The following ITGA9 variants were observed in gnomAD, a reference collection of about 807,000 sequenced individuals.
ITGA9 encodes integrin subunit alpha 9.
ITGA9 carries 56 observed loss-of-function variants against 127.8 expected under a neutral mutation model. The ratio of observed to expected loss-of-function variants is 0.44; its 90% confidence interval spans 0.35 to 0.55. The LOEUF is 0.55. Ranked by LOEUF, ITGA9 falls within the 20% of genes least tolerant of loss-of-function variation. The pLI, the probability that ITGA9 is intolerant of heterozygous loss-of-function variation, is 0.00. For missense variants in ITGA9, 1,196 were observed against 1,347.1 expected (o/e 0.89, Z 1.76); for synonymous variants, 508 against 514.5 (o/e 0.99, Z 0.17).
At chr3:37,712,221 C>T (rs1014428982) in intron 18 of ITGA9, among the ~76,000 whole-genome samples, 1 of 152,238 alleles carries the variant, frequency 6.6e-6, no homozygotes, top group East Asian at 1.9e-4. Flanking sequence ...AGATGTGGGA[C>T]ACTCCTCAAG....
intron 16 of ITGA9, among the ~76,000 whole-genome samples, chr3:37,647,544 A>G (rs973529893): frequency 2.6e-5 from 4 of 151,262 alleles, no homozygotes; most frequent in Admixed American, 6.6e-5. Context: ...CATAGTCATC[A>G]CGCTATACAT....
At chr3:37,499,372 C>T (rs1047082975) in intron 5 of ITGA9, among the ~76,000 whole-genome samples, 17 of 152,212 alleles carry the variant, frequency 1.1e-4, no homozygotes, top group African/African-American at 2.4e-5. Flanking sequence ...TATGGCTTCT[C>T]CCAGGCCCAC....
chr3:37,669,080 C>A (rs1203625098), intron 17 of ITGA9, among the ~76,000 whole-genome samples: 1 of 152,194 alleles, frequency 6.6e-6, no homozygotes, highest in African/African-American at 2.4e-5. Flanking sequence ...GGTAGAGAAC[C>A]TCTAGATTTT....
chr3:37,603,213 A>G (rs1207518687), intron 15 of ITGA9, among the ~76,000 whole-genome samples: 1 of 151,982 alleles, frequency 6.6e-6, no homozygotes, highest in Non-Finnish European at 1.5e-5. Flanking sequence ...TTCAGCATTC[A>G]TGGATTTGAA....
intron 27 of ITGA9, chr3:37,808,832 C>T (rs1697331227): frequency 6.6e-6 from 1 of 152,202 alleles, no homozygotes; most frequent in Non-Finnish European, 1.5e-5. Context: ...AGGGCCTCTC[C>T]ATGTGGTTCT....
Position 37,777,394 on chromosome 3 carries a change from G to A in ITGA9, c.2544G>A (p.Val848=), listed in dbSNP as rs762265809. ...AEMFHVQEMV[V]GQEKGNCSFQ... Reference sequence around the variant, plus strand: ...GACAGGCCTCTTTTCATTTGCAGGTGGGCCAAGAGAAGGGAAACTGCTCTT... The same window carrying A: ...GACAGGCCTCTTTTCATTTGCAGGTAGGCCAAGAGAAGGGAAACTGCTCTT... The change falls in exon 24 of 28, where the codon GTG becomes GTA. Residue 848 remains valine (V), a splice_region_variant and synonymous_variant. Coordinates refer to ENST00000264741, the MANE Select transcript of ITGA9 (RefSeq NM_002207.3). 1.9e-6 allele frequency: 3 copies of A among 1,613,898 alleles called. No homozygotes were observed. The highest frequency in any genetic ancestry group is 1.1e-5 in the South Asian group (1 of 91,074).
chr3:37,793,421 C>T (rs1697136685), intron 26 of ITGA9, among the ~76,000 whole-genome samples: 2 of 151,554 alleles, frequency 1.3e-5, no homozygotes, highest in African/African-American at 4.8e-5. Flanking sequence ...CACACACACA[C>T]ACACACACAC....
At chr3:37,763,846 T>C (rs1696749093) in intron 23 of ITGA9, among the ~76,000 whole-genome samples, 2 of 152,028 alleles carry the variant, frequency 1.3e-5, no homozygotes, top group African/African-American at 4.8e-5. Context: ...TCACCCTCAA[T>C]TTTTTTTGTG....
At chr3:37,785,589 T>G (rs905153106) in intron 26 of ITGA9, among the ~76,000 whole-genome samples, 4 of 152,104 alleles carry the variant, frequency 2.6e-5, no homozygotes, top group Admixed American at 2.6e-4. Context: ...TCCTCTCACC[T>G]TAGCCTCCAG....
At chr3:37,592,976 A>C (rs531155052) in intron 15 of ITGA9, among the ~76,000 whole-genome samples, 1 of 152,310 alleles carries the variant, frequency 6.6e-6, no homozygotes, top group Admixed American at 6.5e-5. Context: ...GCACCTGATG[A>C]AATTGGACCA....
At chr3:37,764,397 T>G (rs1247859697) in intron 23 of ITGA9, among the ~76,000 whole-genome samples, 1 of 148,154 alleles carries the variant, frequency 6.7e-6, no homozygotes, top group African/African-American at 2.5e-5. Context: ...TCCTAATAAT[T>G]TCTCTACACC....
intron 15 of ITGA9, among the ~76,000 whole-genome samples, chr3:37,602,712 G>A (rs1365973367): frequency 6.6e-6 from 1 of 152,016 alleles, no homozygotes; most frequent in East Asian, 1.9e-4. Flanking sequence ...ATGGCATTTT[G>A]TATTACCAAG....
At chr3:37,481,644 A>C (rs1410357324) in intron 4 of ITGA9, 37 bp downstream of exon 4, 1 of 1,613,328 alleles carries the variant, frequency 6.2e-7, no homozygotes, top group Non-Finnish European at 8.5e-7. Context: ...CCCCCTACCC[A>C]CCTCATGCCC....
chr3:37,746,124 C>A (rs950605493), intron 22 of ITGA9, among the ~76,000 whole-genome samples: 2 of 152,078 alleles, frequency 1.3e-5, no homozygotes, highest in African/African-American at 4.8e-5. Flanking sequence ...GTGATAATGA[C>A]CAGAAGGTGA....
Position 37,503,287 on chromosome 3 carries a change from A to G in ITGA9, c.722A>G (p.Asn241Ser). Residue 241 changes from asparagine (N) to serine (S), a missense_variant, in exon 6 of 28, where the codon AAC becomes AGC. Asn to Ser is a conservative substitution (Grantham distance 46). Transcript: ENST00000264741. ...AAACTGAACGACGAAGTGATCATGA[A>G]CAGGCGGTACACCTACCTGGGTGAG... ...YLKLNDEVIMNRRYTYLGYAV... is the reference protein window; with the variant it reads ...YLKLNDEVIMSRRYTYLGYAV... 1 of 1,614,122 alleles carries G rather than the reference A, an allele frequency of 6.2e-7. No homozygotes were observed.
At chr3:37,565,088 C>T (rs2844359) in intron 15 of ITGA9, among the ~76,000 whole-genome samples, 2,304 of 152,224 alleles carry the variant, frequency 0.015, 35 homozygotes, top group Non-Finnish European at 0.018. Context: ...AGCCTGGTGA[C>T]GTGAAGCACA....
intron 17 of ITGA9, among the ~76,000 whole-genome samples, chr3:37,676,420 G>A (rs1700682996): frequency 6.6e-6 from 1 of 152,176 alleles, no homozygotes; most frequent in Admixed American, 6.5e-5. Flanking sequence ...CACTCAATAG[G>A]CAAGGGAGCT....
chr3:37,801,419 T>C (rs1296827621), intron 26 of ITGA9, among the ~76,000 whole-genome samples: 13 of 152,214 alleles, frequency 8.5e-5, no homozygotes, highest in Admixed American at 8.5e-4. Context: ...CAGCGAGCTA[T>C]ACACTTAGGA....
At chr3:37,749,744 G>A (rs542375585) in intron 22 of ITGA9, 221 of 152,708 alleles carry the variant, frequency 1.4e-3, no homozygotes, top group Non-Finnish European at 2.1e-3. Context: ...GACAGAAGAG[G>A]GGTACAGTTG....
Sources: allele counts gnomAD v4.1 joint callset (sites outside exome capture counted in the v4.1 genomes callset), GRCh38; gene constraint gnomAD v4.1.1; transcripts MANE v1.5; gene names NCBI Gene and HGNC (gene_info 2026-07-23, HGNC 2026-07-21).